The following MARCHF7 variants were observed in gnomAD, a reference collection of about 807,000 sequenced individuals.
MARCHF7 encodes the protein E3 ubiquitin-protein ligase MARCHF7.
A neutral mutation model predicts 76.5 loss-of-function variants in MARCHF7; 20 were observed. The observed-to-expected ratio is 0.26, with a 90% CI of 0.18 to 0.38. The LOEUF (loss-of-function observed/expected upper bound fraction) is 0.38. Among genes scored for constraint, MARCHF7 ranks in the 10% least tolerant of loss-of-function variants. The pLI is 1.00. For synonymous variants in MARCHF7, 295 were observed against 293.0 expected, an observed-to-expected ratio of 1.01 and a Z score of -0.07; for missense variants, 797 against 812.9, an observed-to-expected ratio of 0.98 and a Z score of 0.24.
intron 7 of MARCHF7, 148 bp from the exon 8 acceptor site, chr2:159,752,254 T>C (rs971617919): frequency 2.7e-5 from 14 of 512,104 alleles, no homozygotes; most frequent in African/African-American, 5.9e-5. Context: ...ATAATTGTTA[T>C]TGTTTTGTTG....
chr2:159,714,228 C>A (rs1700747669), intron 1 of MARCHF7, among the ~76,000 whole-genome samples: 1 of 152,138 alleles, frequency 6.6e-6, no homozygotes, highest in Non-Finnish European at 1.5e-5. Context: ...TTTTATAATG[C>A]AAAATCTGTC....
intron 8 of MARCHF7, 43 bp downstream of exon 8, chr2:159,752,614 T>C: frequency 2.1e-6 from 3 of 1,412,100 alleles, no homozygotes; most frequent in Non-Finnish European, 2.8e-6. Flanking sequence ...TTCTAAGAGA[T>C]GCATGTATGT....
At chr2:159,763,018 A>AGG (rs1560029728) in intron 10 of MARCHF7, 25 bp downstream of exon 10, 4 of 1,505,880 alleles carry the variant, frequency 2.7e-6, no homozygotes, top group Middle Eastern at 1.7e-4. Flanking sequence ...AGTTGGGGAG[A>AGG]GGGAGGGTAT....
intron 4 of MARCHF7, chr2:159,733,611 T>G: frequency 2.0e-6 from 2 of 985,042 alleles, no homozygotes; most frequent in Non-Finnish European, 2.4e-6. Context: ...ACATAAAACT[T>G]CTGTTATCTC....
At chr2:159,726,789 T>A (rs1702225617) in intron 3 of MARCHF7, among the ~76,000 whole-genome samples, 1 of 152,198 alleles carries the variant, frequency 6.6e-6, no homozygotes, top group Admixed American at 6.5e-5. Context: ...TCATACTCAT[T>A]AAACAACTCC....
At chr2:159,753,860 A>G (rs1705971855) in intron 8 of MARCHF7, among the ~76,000 whole-genome samples, 1 of 152,148 alleles carries the variant, frequency 6.6e-6, no homozygotes. Context: ...AGGTTCTGTA[A>G]GACATCCAGT....
intron 3 of MARCHF7, among the ~76,000 whole-genome samples, chr2:159,719,631 C>T (rs1303243859): frequency 1.3e-5 from 2 of 152,104 alleles, no homozygotes; most frequent in Admixed American, 1.3e-4. Context: ...TTATTTCCTC[C>T]TTCCCCAGTT....
At chr2:159,725,768 A>T (rs1160267236) in intron 3 of MARCHF7, among the ~76,000 whole-genome samples, 1 of 152,144 alleles carries the variant, frequency 6.6e-6, no homozygotes, top group Admixed American at 6.5e-5. Context: ...ATTACATGGT[A>T]GTCCTTGATG....
rs181781466 is a variant in MARCHF7, at chr2:159,724,152, G to A, written c.-14-4857G>A. 3.6e-3 allele frequency among the ~76,000 whole-genome samples: 548 copies of A among 152,262 alleles called. 4 individuals carry two copies. The highest frequency in any genetic ancestry group is 0.012 in the African/African-American group (514 of 41,544). On this transcript the variant is annotated intron_variant, in intron 3 of 11. Coordinates refer to ENST00000409175, the MANE Select transcript of MARCHF7 (RefSeq NM_001282805.2). Reference sequence around the variant, plus strand: ...TCTGTTCTCCACTTCAAATGTACTTGCTAGATTGGAATTCAAGGCTAAACA... The same window carrying A: ...TCTGTTCTCCACTTCAAATGTACTTACTAGATTGGAATTCAAGGCTAAACA...
At chr2:159,733,927 A>C in intron 4 of MARCHF7, 2 of 1,235,438 alleles carry the variant, frequency 1.6e-6, no homozygotes, top group Non-Finnish European at 2.0e-6. Flanking sequence ...CTAAGTTCCG[A>C]ACAGTTGATT....
intron 8 of MARCHF7, among the ~76,000 whole-genome samples, chr2:159,756,675 G>T (rs1706340772): frequency 9.6e-6 from 1 of 103,896 alleles, no homozygotes; most frequent in Non-Finnish European, 1.8e-5. Context: ...TGACAAGAGT[G>T]ACACTCAGTC....
chr2:159,756,429 G>C (rs1706301644), intron 8 of MARCHF7, among the ~76,000 whole-genome samples: 1 of 152,130 alleles, frequency 6.6e-6, no homozygotes, highest in African/African-American at 2.4e-5. Flanking sequence ...GCTCACACCT[G>C]TAATCCCAGC....
intron 3 of MARCHF7, among the ~76,000 whole-genome samples, chr2:159,719,201 CTTATT>C (rs1396427480): frequency 2.6e-5 from 4 of 151,892 alleles, no homozygotes; most frequent in Non-Finnish European, 4.4e-5. Flanking sequence ...GGCTGGTCTG[CTTATT>C]CTTTTTTAAA....
intron 4 of MARCHF7, among the ~76,000 whole-genome samples, chr2:159,730,892 T>C (rs1428929554): frequency 6.6e-6 from 1 of 150,382 alleles, no homozygotes; most frequent in Admixed American, 6.6e-5. Flanking sequence ...TTTGATTGTT[T>C]GTTTGTTTCT....
intron 7 of MARCHF7, among the ~76,000 whole-genome samples, chr2:159,750,312 G>A (rs1451446058): frequency 6.6e-6 from 1 of 152,206 alleles, no homozygotes; most frequent in Non-Finnish European, 1.5e-5. Flanking sequence ...AGATCACAAG[G>A]TCAGGAGATT....
At chr2:159,766,354 C>A (rs1707758042) in intron 11 of MARCHF7, among the ~76,000 whole-genome samples, 1 of 152,088 alleles carries the variant, frequency 6.6e-6, no homozygotes, top group Non-Finnish European at 1.5e-5. Context: ...GGATTTAAAT[C>A]TATTAGTGTT....
intron 3 of MARCHF7, among the ~76,000 whole-genome samples, chr2:159,722,361 C>T (rs575069871): frequency 3.5e-4 from 53 of 152,308 alleles, no homozygotes; most frequent in African/African-American, 1.3e-3. Context: ...TGGTCTCGAA[C>T]TCCTGGCCTC....
At chr2:159,720,738 T>A (rs1001540910) in intron 3 of MARCHF7, among the ~76,000 whole-genome samples, 2 of 152,194 alleles carry the variant, frequency 1.3e-5, no homozygotes, top group Non-Finnish European at 2.9e-5. Flanking sequence ...CCTGGTAGAT[T>A]ACTAAATTGG....
Position 159,743,149 on chromosome 2 carries a change from A to G in MARCHF7, c.242A>G (p.Gln81Arg). Residue 81 changes from glutamine (Q) to arginine (R), a missense_variant, in exon 5 of 12, where the codon CAG (glutamine) becomes CGG (arginine). Gln to Arg is a conservative substitution (Grantham distance 43). Transcript: ENST00000409175. The part of the protein sequence containing the change: ...EITQGARSRS[Q>R]NQQRDHDSKR... ...ACTCAGGGAGCACGCTCAAGATCGC[A>G]GAACCAGCAACGGGATCATGATTCA... 1 of 1,614,254 alleles carries G rather than the reference A, an allele frequency of 6.2e-7. No homozygotes were observed. Among genetic ancestry groups the G allele is most frequent in the Non-Finnish European group, 8.5e-7 (1 of 1,180,034 alleles).
Sources: allele counts gnomAD v4.1 joint callset (sites outside exome capture counted in the v4.1 genomes callset), GRCh38; gene constraint gnomAD v4.1.1; transcripts MANE v1.5; gene names NCBI Gene and HGNC (gene_info 2026-07-23, HGNC 2026-07-21).